The following PTPRM variants were observed in gnomAD, a reference collection of about 807,000 sequenced individuals.
PTPRM encodes the protein protein tyrosine phosphatase receptor type M.
Under a neutral mutation model 186.7 loss-of-function variants are expected in PTPRM, and 47 were observed. The ratio of observed to expected loss-of-function variants is 0.25; its 90% CI spans 0.20 to 0.32. The LOEUF is 0.32. PTPRM is among the 10% of genes least tolerant of loss of function. The pLI, the probability that PTPRM is intolerant of heterozygous loss-of-function variation, is 1.00. For missense variants in PTPRM, 1,494 were observed against 1,865.0 expected (o/e 0.80, Z 3.66); for synonymous variants, 668 against 674.9 (o/e 0.99, Z 0.16).
intron 2 of PTPRM, among the ~76,000 whole-genome samples, chr18:7,830,816 T>C (rs1010063843): frequency 6.6e-6 from 1 of 152,126 alleles, no homozygotes; most frequent in Admixed American, 6.6e-5. Flanking sequence ...CCCGAAAGCA[T>C]TTTTACCTCT....
intron 13 of PTPRM, among the ~76,000 whole-genome samples, chr18:8,127,563 A>T (rs1017509227): frequency 6.6e-6 from 1 of 152,010 alleles, no homozygotes. Flanking sequence ...GTCAGGGTGA[A>T]TGTGGTTTCA....
At chr18:8,294,237 G>A (rs193042465) in intron 19 of PTPRM, among the ~76,000 whole-genome samples, 1 of 152,246 alleles carries the variant, frequency 6.6e-6, no homozygotes, top group East Asian at 1.9e-4. Context: ...GGGTCACAGG[G>A]TGAGACTCTG....
At chr18:7,719,037 C>G (rs2040397728) in intron 1 of PTPRM, among the ~76,000 whole-genome samples, 2 of 152,174 alleles carry the variant, frequency 1.3e-5, no homozygotes, top group African/African-American at 4.8e-5. Context: ...CCGGCAATCC[C>G]ACTACTGGGT....
chr18:7,774,028 C>T (rs2042463420), intron 1 of PTPRM, 121 bp from the exon 2 acceptor site: 6 of 1,000,880 alleles, frequency 6.0e-6, no homozygotes, highest in Non-Finnish European at 8.9e-6. Context: ...AGTGGAAAGA[C>T]CTAATCAGAT....
Position 7,842,910 on chromosome 18 carries a change from A to ATGTG in PTPRM, c.197-45178_197-45175dup, listed in dbSNP as rs1285423674. On this transcript the variant is annotated intron_variant, in intron 2 of 32. Transcript: ENST00000580170. Reference sequence around the variant, plus strand: ...GTGTATATATATATATGTTTCTCATATGTGTGTGTGTGTGTGTGTGTATAT... The same window carrying ATGTG: ...GTGTATATATATATATGTTTCTCATATGTGTGTGTGTGTGTGTGTGTGTGTATAT... Among the ~76,000 whole-genome samples, 962 of 106,670 alleles carry ATGTG rather than the reference A, an allele frequency of 9.0e-3. 34 individuals carry two copies. Among genetic ancestry groups the ATGTG allele is most frequent in the African/African-American group, 0.041 (866 of 21,120 alleles). The allele number at this position is 106,670 out of a possible 152,430, so 70.0% of individuals were successfully genotyped here.
At chr18:8,212,478 C>G (rs1206167894) in intron 14 of PTPRM, among the ~76,000 whole-genome samples, 1 of 152,078 alleles carries the variant, frequency 6.6e-6, no homozygotes, top group Non-Finnish European at 1.5e-5. Flanking sequence ...ATGTATGTAA[C>G]AATGACATAT....
At chr18:7,983,321 G>C (rs554083223) in intron 7 of PTPRM, among the ~76,000 whole-genome samples, 3 of 152,152 alleles carry the variant, frequency 2.0e-5, no homozygotes, top group South Asian at 2.1e-4. Context: ...GATGATCTGA[G>C]GGGGAACAGT....
intron 5 of PTPRM, among the ~76,000 whole-genome samples, chr18:7,944,859 C>T (rs1340757019): frequency 6.6e-6 from 1 of 152,174 alleles, no homozygotes; most frequent in Non-Finnish European, 1.5e-5. Flanking sequence ...AGAAAGCTTG[C>T]ACTGACAACA....
At chr18:8,266,454 A>G (rs915747859) in intron 19 of PTPRM, among the ~76,000 whole-genome samples, 3 of 152,118 alleles carry the variant, frequency 2.0e-5, no homozygotes, top group Non-Finnish European at 4.4e-5. Flanking sequence ...TACAGTGTAT[A>G]AATTCGTATT....
chr18:8,268,078 G>T (rs1196637335), intron 19 of PTPRM, among the ~76,000 whole-genome samples: 10 of 152,050 alleles, frequency 6.6e-5, no homozygotes, highest in Non-Finnish European at 1.5e-5. Flanking sequence ...AATCACCAAG[G>T]CCATGGGAAA....
intron 9 of PTPRM, among the ~76,000 whole-genome samples, chr18:8,084,264 A>G (rs1181584192): frequency 2.0e-5 from 3 of 152,190 alleles, no homozygotes; most frequent in African/African-American, 7.2e-5. Flanking sequence ...TGCATTCATA[A>G]TAGAGGTTTA....
intron 1 of PTPRM, among the ~76,000 whole-genome samples, chr18:7,677,422 G>C (rs569690303): frequency 4.1e-4 from 62 of 152,262 alleles, no homozygotes; most frequent in African/African-American, 1.4e-3. Flanking sequence ...TGCAGTGATG[G>C]CCACCAGGAC....
intron 26 of PTPRM, chr18:8,376,891 A>T: frequency 3.4e-6 from 1 of 292,516 alleles, no homozygotes; most frequent in Non-Finnish European, 6.3e-6. Context: ...GACTTTCAAT[A>T]CCATTTCCTT....
At chr18:8,017,750 G>A (rs1192786892) in intron 7 of PTPRM, 1 of 152,076 alleles carries the variant, frequency 6.6e-6, no homozygotes, top group African/African-American at 2.4e-5. Context: ...AATAGCTGAG[G>A]TAGGTGATAT....
intron 4 of PTPRM, among the ~76,000 whole-genome samples, chr18:7,916,257 A>G (rs1051211200): frequency 2.0e-5 from 3 of 152,200 alleles, no homozygotes; most frequent in Non-Finnish European, 4.4e-5. Flanking sequence ...TAAGATACAA[A>G]ACTTTAAAAG....
chr18:7,670,678 A>G (rs998727799), intron 1 of PTPRM, among the ~76,000 whole-genome samples: 1 of 152,226 alleles, frequency 6.6e-6, no homozygotes, highest in Non-Finnish European at 1.5e-5. Context: ...AAGAATTCAT[A>G]TACTGTCGCT....
At chr18:7,790,643 C>T (rs1160434399) in intron 2 of PTPRM, among the ~76,000 whole-genome samples, 1 of 152,210 alleles carries the variant, frequency 6.6e-6, no homozygotes, top group Admixed American at 6.5e-5. Context: ...TAAGACTTAT[C>T]TTTGACAAAT....
chr18:8,288,850 T>G (rs1212238448), intron 19 of PTPRM, among the ~76,000 whole-genome samples: 1 of 152,186 alleles, frequency 6.6e-6, no homozygotes, highest in Non-Finnish European at 1.5e-5. Flanking sequence ...GCAACTTGAT[T>G]GAGGGGCCCT....
chr18:8,141,645 T>TA (rs2092769432), intron 13 of PTPRM, among the ~76,000 whole-genome samples: 1 of 152,204 alleles, frequency 6.6e-6, no homozygotes, highest in Non-Finnish European at 1.5e-5. Flanking sequence ...TAAGTTTTTC[T>TA]AAACATTTTT....
Sources: allele counts gnomAD v4.1 joint callset (sites outside exome capture counted in the v4.1 genomes callset), GRCh38; gene constraint gnomAD v4.1.1; transcripts MANE v1.5; gene names NCBI Gene and HGNC (gene_info 2026-07-23, HGNC 2026-07-21).